Variants in PTPDC1 observed in about 807,000 individuals in gnomAD.
PTPDC1 encodes protein tyrosine phosphatase domain-containing protein 1.
A neutral mutation model predicts 75.3 loss-of-function variants in PTPDC1; 53 were observed. The ratio of observed to expected loss-of-function variants is 0.70; its 90% CI spans 0.56 to 0.88. PTPDC1 has a LOEUF of 0.88. Among genes scored for constraint, PTPDC1 ranks in the 40% least tolerant of loss-of-function variants. The probability of loss-of-function intolerance (pLI) is 0.00; values close to 1 mark genes in which losing one functional copy is unlikely to be tolerated. For synonymous variants in PTPDC1, 349 were observed against 366.2 expected (o/e 0.95, Z 0.54); for missense variants, 925 against 998.6 (o/e 0.93, Z 0.99).
chr9:94,103,845 C>T lies in PTPDC1; in HGVS notation c.2200-430C>T, dbSNP rs1220228879. Among the ~76,000 whole-genome samples, 5 of 152,304 alleles carry T rather than the reference C, an allele frequency of 3.3e-5. No homozygotes were observed. The East Asian group carries it at 7.7e-4, about 24-fold the overall frequency. Reference sequence around the variant, plus strand: ...TCCTTTTCTTTGTCTACCTGCCTCCCTCCATATCATATGCAGTGGCTGGGT... The same window carrying T: ...TCCTTTTCTTTGTCTACCTGCCTCCTTCCATATCATATGCAGTGGCTGGGT... On this transcript the variant is annotated intron_variant, in intron 7 of 8. Coordinates refer to ENST00000620992, the MANE Select transcript of PTPDC1 (RefSeq NM_001253829.2).
Position 94,098,439 on chromosome 9 carries a change from C to T in PTPDC1, c.1873C>T (p.Leu625=). Residue 625 remains leucine, a synonymous_variant, in exon 6 of 9, where the codon CTG becomes TTG. Transcript: ENST00000620992. The part of the protein sequence containing the change: ...VEHETQDSKD[L]SEAASHSALQ... ...ACATGAAACCCAGGACAGTAAAGAT[C>T]TGTCTGAAGCAGCTTCACACTCTGC... 3 of 1,614,196 alleles carry T rather than the reference C, an allele frequency of 1.9e-6. No individual in the cohort carries two copies. The highest frequency in any genetic ancestry group is 1.7e-6 in the Non-Finnish European group (2 of 1,180,034).
intron 1 of PTPDC1, among the ~76,000 whole-genome samples, chr9:94,050,328 T>TC (rs1369843035): frequency 6.6e-6 from 1 of 152,196 alleles, no homozygotes; most frequent in Non-Finnish European, 1.5e-5. Context: ...CTCTGTTTTT[T>TC]CCCCATCTTT....
At chr9:94,072,915 G>A (rs984912540) in intron 2 of PTPDC1, among the ~76,000 whole-genome samples, 2 of 152,072 alleles carry the variant, frequency 1.3e-5, no homozygotes, top group African/African-American at 4.8e-5. Flanking sequence ...TGCTGGATTT[G>A]ATTTGCTCGT....
intron 7 of PTPDC1, among the ~76,000 whole-genome samples, chr9:94,102,669 C>T (rs1031667643): frequency 5.3e-5 from 8 of 151,798 alleles, no homozygotes; most frequent in African/African-American, 1.9e-4. Flanking sequence ...AACCTCTGCC[C>T]CCCGGGTTCA....
chr9:94,032,385 T>A (rs914213336), intron 1 of PTPDC1, among the ~76,000 whole-genome samples: 1 of 152,218 alleles, frequency 6.6e-6, no homozygotes. Context: ...TGTTCTAGTC[T>A]AATTTCCCAC....
At chr9:94,101,121 T>A (rs1323114675) in intron 6 of PTPDC1, 1 of 152,776 alleles carries the variant, frequency 6.5e-6, no homozygotes, top group Non-Finnish European at 1.5e-5. Context: ...GGTTAATGTA[T>A]AAATGTTCCC....
intron 2 of PTPDC1, among the ~76,000 whole-genome samples, chr9:94,076,957 T>C (rs1176501532): frequency 6.6e-6 from 1 of 152,240 alleles, no homozygotes; most frequent in African/African-American, 2.4e-5. Context: ...TTTTCATGTA[T>C]TTATTGAAAC....
At chr9:94,049,500 T>C (rs1369468286) in intron 1 of PTPDC1, among the ~76,000 whole-genome samples, 2 of 152,360 alleles carry the variant, frequency 1.3e-5, no homozygotes, top group East Asian at 3.9e-4. Context: ...TATGAAATTC[T>C]GAGTTGAAAA....
intron 5 of PTPDC1, among the ~76,000 whole-genome samples, chr9:94,095,846 A>G (rs1026044436): frequency 6.6e-6 from 1 of 152,212 alleles, no homozygotes; most frequent in African/African-American, 2.4e-5. Context: ...AAATACCGTA[A>G]ACAGGTAGTT....
At chr9:94,104,522 C>A in intron 8 of PTPDC1, 137 bp downstream of exon 8, 1 of 578,834 alleles carries the variant, frequency 1.7e-6, no homozygotes, top group Non-Finnish European at 3.0e-6. Flanking sequence ...ATCTGTTTGA[C>A]ATTTCTTCTA....
At chr9:94,080,432 A>G (rs894241531), upstream of PTPDC1, among the ~76,000 whole-genome samples, 6 of 152,170 alleles carry the variant, frequency 3.9e-5, no homozygotes, top group African/African-American at 7.2e-5. Context: ...GGGAATAAAT[A>G]TAGATGTAAA....
At chr9:94,090,842 A>G (rs1230802828) in intron 4 of PTPDC1, among the ~76,000 whole-genome samples, 3 of 139,048 alleles carry the variant, frequency 2.2e-5, no homozygotes, top group East Asian at 2.1e-4. Flanking sequence ...CTTTGAAGCA[A>G]TTGTGAATGG....
chr9:94,068,396 C>T (rs1826392126), intron 2 of PTPDC1, among the ~76,000 whole-genome samples: 1 of 151,956 alleles, frequency 6.6e-6, no homozygotes, highest in African/African-American at 2.4e-5. Flanking sequence ...AGATTATAGA[C>T]AATTTTTTTT....
intron 1 of PTPDC1, among the ~76,000 whole-genome samples, chr9:94,058,028 G>T (rs2118479795): frequency 6.6e-6 from 1 of 152,308 alleles, no homozygotes; most frequent in Admixed American, 6.5e-5. Flanking sequence ...TGAGAGAAGA[G>T]AAACAAACAC....
chr9:94,088,041 T>C, intron 3 of PTPDC1, 104 bp from the exon 4 acceptor site: 1 of 1,482,720 alleles, frequency 6.7e-7, no homozygotes. Flanking sequence ...AAATGAGAAA[T>C]TAAGATTTTT....
At chr9:94,053,163 C>G (rs994241700) in intron 1 of PTPDC1, among the ~76,000 whole-genome samples, 1 of 152,042 alleles carries the variant, frequency 6.6e-6, no homozygotes, top group Non-Finnish European at 1.5e-5. Flanking sequence ...GGAGACTTCT[C>G]TAGGGTATAT....
chr9:94,071,957 T>G (rs1340139055), intron 2 of PTPDC1, among the ~76,000 whole-genome samples: 1 of 152,212 alleles, frequency 6.6e-6, no homozygotes, highest in Non-Finnish European at 1.5e-5. Context: ...TTTAAGTTTA[T>G]ACTTAAGTAT....
At chr9:94,100,632 T>C (rs1002503141) in intron 6 of PTPDC1, 1 of 152,218 alleles carries the variant, frequency 6.6e-6, no homozygotes, top group Non-Finnish European at 1.5e-5. Context: ...TTATATGTAT[T>C]GGTGAGGAAG....
At chr9:94,082,710 G>T (rs186885094), upstream of PTPDC1, among the ~76,000 whole-genome samples, 4 of 152,108 alleles carry the variant, frequency 2.6e-5, no homozygotes, top group African/African-American at 9.7e-5. Context: ...TCCTGTTTGC[G>T]TTAGGCTTGA....
Sources: allele counts gnomAD v4.1 joint callset (sites outside exome capture counted in the v4.1 genomes callset), GRCh38; gene constraint gnomAD v4.1.1; transcripts MANE v1.5; gene names NCBI Gene and HGNC (gene_info 2026-07-23, HGNC 2026-07-21).